Variants in POLR3F observed in about 807,000 individuals in gnomAD.
POLR3F encodes DNA-directed RNA polymerase III subunit RPC6.
In POLR3F, 31 loss-of-function variants were observed where a neutral mutation model predicts 43.6. That is an observed-to-expected ratio of 0.71 (90% CI 0.53 to 0.96). The LOEUF (loss-of-function observed/expected upper bound fraction) is 0.96, where lower values mean the gene tolerates loss of function less well. POLR3F is among the 40% of genes least tolerant of loss of function. POLR3F has a pLI of 0.00. For missense variants in POLR3F, 316 were observed against 391.7 expected, an observed-to-expected ratio of 0.81 and a Z score of 1.63; for synonymous variants, 114 against 132.5, an observed-to-expected ratio of 0.86 and a Z score of 0.96.
At chr20:18,481,406 T>C (rs2059808636) in intron 7 of POLR3F, among the ~76,000 whole-genome samples, 3 of 3,618 alleles carry the variant, frequency 8.3e-4, no homozygotes, top group Middle Eastern at 0.083. Flanking sequence ...CATACCCAGC[T>C]AATTGTATTT....
At chr20:18,476,577 A>T (rs932367849) in intron 5 of POLR3F, among the ~76,000 whole-genome samples, 1 of 152,252 alleles carries the variant, frequency 6.6e-6, no homozygotes, top group Non-Finnish European at 1.5e-5. Context: ...TGAAGAAAAC[A>T]TAGAAAATCT....
chr20:18,472,892 G>T lies in POLR3F; in HGVS notation c.231G>T (p.Lys77Asn). 6.8e-7 allele frequency: 1 copy of T among 1,481,084 alleles called. No individual in the cohort carries two copies. The highest frequency in any genetic ancestry group is 9.3e-7 in the Non-Finnish European group (1 of 1,072,886). The allele number at this position is 1,481,084 out of a possible 1,614,324, so 91.7% of individuals were successfully genotyped here. Residue 77 changes from lysine to asparagine, a missense_variant, in exon 3 of 9, where the codon AAG becomes AAT. This residue lies in a region of POLR3F where 122 missense variants were observed against 133.8 expected (regional missense o/e 0.91). Coordinates refer to ENST00000377603, the MANE Select transcript of POLR3F (RefSeq NM_006466.4). ...RSNTGLLYRI[K>N]DSQNAGKMKG... Reference sequence around the variant, plus strand: ...ATACGGGCCTTTTATATAGAATAAAGGACTCTCAGAATGCTGGGTAAGTAC... The same window carrying T: ...ATACGGGCCTTTTATATAGAATAAATGACTCTCAGAATGCTGGGTAAGTAC...
rs1268473815 is a variant in POLR3F, at chr20:18,469,462, G to A, written c.180+401G>A. The A allele has an allele frequency of 1.9e-5, 3 of 158,394 alleles. No homozygotes were observed. The East Asian group carries it at 5.4e-4, about 29-fold the overall frequency. 9.8% of individuals were successfully genotyped at this position (158,394 alleles called of 1,614,324 possible). ...ATCAGCTCTCTGCTCTCAGCCCTTTGATCTGCAACACCAGCTTTCCTGGGT... is the reference window on the plus strand; with the variant it reads ...ATCAGCTCTCTGCTCTCAGCCCTTTAATCTGCAACACCAGCTTTCCTGGGT... On this transcript the variant is annotated intron_variant, in intron 2 of 8. Transcript: ENST00000377603.
intron 2 of POLR3F, among the ~76,000 whole-genome samples, chr20:18,472,381 G>A (rs1281431141): frequency 6.6e-6 from 1 of 151,858 alleles, no homozygotes; most frequent in African/African-American, 2.4e-5. Context: ...ACAGGTTTTC[G>A]CCATGTTAGC....
At chr20:18,479,278 G>A (rs905001296) in intron 5 of POLR3F, among the ~76,000 whole-genome samples, 19 of 152,082 alleles carry the variant, frequency 1.2e-4, no homozygotes, top group South Asian at 8.3e-4. Flanking sequence ...GGAGGATCAC[G>A]AGGTCAAGAG....
chr20:18,475,358 T>C (rs2059774449), intron 5 of POLR3F, among the ~76,000 whole-genome samples, 171 bp downstream of exon 5: 1 of 152,250 alleles, frequency 6.6e-6, no homozygotes, highest in South Asian at 2.1e-4. Context: ...TAGCTCTTGG[T>C]GTCTCACTCA....
intron 8 of POLR3F, 103 bp downstream of exon 8, chr20:18,481,913 T>G (rs1177789531): frequency 5.8e-6 from 4 of 694,094 alleles, no homozygotes; most frequent in African/African-American, 1.8e-5. Flanking sequence ...CTCTTAGGGT[T>G]GACCAAGAGC....
intron 2 of POLR3F, chr20:18,470,712 A>C (rs1303298601): frequency 6.5e-6 from 1 of 153,868 alleles, no homozygotes; most frequent in Non-Finnish European, 1.5e-5. Context: ...CATCTTCAGC[A>C]CCTCTCTTTT....
chr20:18,477,639 A>G (rs1387276595), intron 5 of POLR3F, among the ~76,000 whole-genome samples: 2 of 152,246 alleles, frequency 1.3e-5, no homozygotes, highest in African/African-American at 2.4e-5. Flanking sequence ...AAAAGATATG[A>G]GTAAATCTTA....
chr20:18,471,905 C>T (rs2059754305), intron 2 of POLR3F, among the ~76,000 whole-genome samples: 1 of 152,166 alleles, frequency 6.6e-6, no homozygotes, highest in Non-Finnish European at 1.5e-5. Flanking sequence ...TCGCATGAAC[C>T]CGGGAGGCAG....
chr20:18,478,440 C>A (rs138146811), intron 5 of POLR3F, among the ~76,000 whole-genome samples: 3 of 152,168 alleles, frequency 2.0e-5, no homozygotes, highest in Admixed American at 6.6e-5. Context: ...GTCTTGAACT[C>A]CTAGACTTAA....
chr20:18,474,415 A>G (rs1052061010), intron 4 of POLR3F, among the ~76,000 whole-genome samples: 6 of 152,210 alleles, frequency 3.9e-5, no homozygotes, highest in African/African-American at 1.2e-4. Flanking sequence ...TCACATTTAC[A>G]ATCTAAAATG....
chr20:18,484,390 A>G lies in POLR3F; in HGVS notation c.*832A>G, dbSNP rs2059827099. 3 of 350,566 alleles carry G rather than the reference A, an allele frequency of 8.6e-6. No individual in the cohort carries two copies. Among genetic ancestry groups the G allele is most frequent in the Non-Finnish European group, 1.5e-5 (3 of 196,112 alleles). The allele number at this position is 350,566 out of a possible 1,614,324, so 21.7% of individuals were successfully genotyped here. On this transcript the variant is annotated 3_prime_UTR_variant, in exon 9 of 9. Coordinates refer to ENST00000377603, the MANE Select transcript of POLR3F (RefSeq NM_006466.4). ...TTCTAATGTTGAAATCTCATTTCCAATGTGATGGTATTTGGAGGTGGGGCT... is the reference window on the plus strand; with the variant it reads ...TTCTAATGTTGAAATCTCATTTCCAGTGTGATGGTATTTGGAGGTGGGGCT...
At chr20:18,479,952 A>C in intron 5 of POLR3F, 86 bp from the exon 6 acceptor site, 1 of 941,842 alleles carries the variant, frequency 1.1e-6, no homozygotes, top group Non-Finnish European at 1.6e-6. Context: ...AATTTTGTAC[A>C]TCTTAAACTG....
chr20:18,484,099 C>A lies in POLR3F; in HGVS notation c.*541C>A. The A allele has an allele frequency of 5.0e-6, 2 of 398,332 alleles. No individual in the cohort carries two copies. Among genetic ancestry groups the A allele is most frequent in the East Asian group, 7.1e-5 (2 of 28,032 alleles). The allele number at this position is 398,332 out of a possible 1,614,324, so 24.7% of individuals were successfully genotyped here. A position where few individuals can be genotyped will look rare whatever the true frequency, so the allele number is the denominator to read the frequency against. On this transcript the variant is annotated 3_prime_UTR_variant, in exon 9 of 9. Transcript: ENST00000377603. ...TGGGGGAGAGTGGAACATGCCTTTTCCGCACAATATTAATTCCTTTTTGTA... is the reference window on the plus strand; with the variant it reads ...TGGGGGAGAGTGGAACATGCCTTTTACGCACAATATTAATTCCTTTTTGTA...
intron 5 of POLR3F, among the ~76,000 whole-genome samples, chr20:18,478,218 CT>C (rs775165488): frequency 0.028 from 3,873 of 140,800 alleles, 45 homozygotes; most frequent in Admixed American, 0.044. Flanking sequence ...AAATTTTTTT[CT>C]TTTTTTTTTT....
chr20:18,478,822 A>G (rs567370340), intron 5 of POLR3F, among the ~76,000 whole-genome samples: 2 of 152,312 alleles, frequency 1.3e-5, no homozygotes, highest in East Asian at 1.9e-4. Flanking sequence ...CGTGGTTTCT[A>G]TCATGCAATA....
At position 18,467,453 on chromosome 20, in the gene POLR3F, G is replaced by T; in HGVS notation, c.-54G>T. The T allele has an allele frequency of 6.2e-7, 1 of 1,601,818 alleles. No homozygotes were observed. Among genetic ancestry groups the T allele is most frequent in the Non-Finnish European group, 8.6e-7 (1 of 1,168,858 alleles). ...ACTGGTTCCCCGGGTTCCCCGGCTT[G>T]CTACCGGGCTGCTCCGTGCATCTTT... is the stretch of plus-strand genomic sequence containing the variant. On this transcript the variant is annotated 5_prime_UTR_variant, in exon 1 of 9. Coordinates refer to ENST00000377603, the MANE Select transcript of POLR3F (RefSeq NM_006466.4).
Position 18,480,151 on chromosome 20 carries a change from C to A in POLR3F, c.543C>A (p.Asn181Lys). The change falls in exon 6 of 9, where the codon AAC becomes AAA. Residue 181 changes from asparagine (N) to lysine (K), a missense_variant. Asn to Lys is a moderately conservative substitution (Grantham distance 94, BLOSUM62 0). Around this residue, in one of 3 missense-constraint regions of POLR3F, gnomAD observed 109 missense variants for 177.7 expected, o/e 0.61. Coordinates refer to ENST00000377603, the MANE Select transcript of POLR3F (RefSeq NM_006466.4). ...AATCTGAATTTGTAGAGGTGCTTAA[C>A]CAACAGTGTTTTAAATTCCTACAGT... ...DFESEFVEVL[N>K]QQCFKFLQSK... 1 of 1,612,252 alleles carries A rather than the reference C, an allele frequency of 6.2e-7. No individual in the cohort carries two copies. The highest frequency in any genetic ancestry group is 8.5e-7 in the Non-Finnish European group (1 of 1,178,584).
Sources: allele counts gnomAD v4.1 joint callset (sites outside exome capture counted in the v4.1 genomes callset), GRCh38; gene constraint gnomAD v4.1.1; regional missense constraint gnomAD v4.1.1; transcripts MANE v1.5; gene names NCBI Gene and HGNC (gene_info 2026-07-23, HGNC 2026-07-21).